PTH2R: variants seen among roughly 807,000 people sequenced by gnomAD.
PTH2R encodes parathyroid hormone 2 receptor, also known as PTH2 receptor.
A neutral mutation model predicts 60.3 loss-of-function variants in PTH2R; 59 were observed. The observed-to-expected ratio is 0.98, with a 90% confidence interval of 0.79 to 1.22. PTH2R has a LOEUF of 1.22. Ranked by LOEUF, PTH2R falls within the 50% of genes most tolerant of loss-of-function variation. The pLI is 0.00. For synonymous variants in PTH2R, 256 were observed against 243.8 expected (o/e 1.05, Z -0.47); for missense variants, 749 against 682.6 (o/e 1.10, Z -1.08).
chr2:208,424,851 A>G (rs1400612685), intron 1 of PTH2R, among the ~76,000 whole-genome samples: 2 of 152,164 alleles, frequency 1.3e-5, no homozygotes, highest in Admixed American at 6.5e-5. Context: ...TGTTGTTTCT[A>G]TAGAATTGGG....
intron 5 of PTH2R, among the ~76,000 whole-genome samples, chr2:208,443,083 T>C (rs1702218816): frequency 1.3e-5 from 2 of 152,248 alleles, no homozygotes; most frequent in South Asian, 4.1e-4. Context: ...AACATCTATT[T>C]ACATAGCATT....
Position 208,493,977 on chromosome 2 carries a change from T to C in PTH2R, c.*318T>C, listed in dbSNP as rs1318301392. 1 of 214,978 alleles carries C rather than the reference T, an allele frequency of 4.7e-6. No individual in the cohort carries two copies. Among genetic ancestry groups the C allele is most frequent in the Non-Finnish European group, 9.2e-6 (1 of 109,130 alleles). The allele number at this position is 214,978 out of a possible 1,614,324, so 13.3% of individuals were successfully genotyped here. A position where few individuals can be genotyped will look rare whatever the true frequency, so the allele number is the denominator to read the frequency against. Reference sequence around the variant, plus strand: ...ATTCAATTGCTTGGCTGTAGCTTTCTCTCATATATATCACCCTAAATATAA... The same window carrying C: ...ATTCAATTGCTTGGCTGTAGCTTTCCCTCATATATATCACCCTAAATATAA... On this transcript the variant is annotated 3_prime_UTR_variant, in exon 13 of 13. Transcript: ENST00000272847.
intron 10 of PTH2R, among the ~76,000 whole-genome samples, chr2:208,484,084 A>C (rs1402165767): frequency 6.6e-6 from 1 of 152,240 alleles, no homozygotes; most frequent in East Asian, 1.9e-4. Flanking sequence ...CCTTTGTCTA[A>C]CAAATGTTCA....
intron 9 of PTH2R, among the ~76,000 whole-genome samples, chr2:208,464,669 G>A (rs1159776006): frequency 6.6e-6 from 1 of 152,146 alleles, no homozygotes; most frequent in Non-Finnish European, 1.5e-5. Flanking sequence ...TTACTGGGCA[G>A]GCTAGGCTTG....
chr2:208,487,840 T>C (rs1204649248), intron 10 of PTH2R, among the ~76,000 whole-genome samples: 1 of 152,178 alleles, frequency 6.6e-6, no homozygotes, highest in Non-Finnish European at 1.5e-5. Flanking sequence ...GGCCTCTCAG[T>C]ATAGCAGCTC....
intron 8 of PTH2R, among the ~76,000 whole-genome samples, chr2:208,455,988 C>T (rs1702504484): frequency 6.6e-6 from 1 of 152,104 alleles, no homozygotes; most frequent in African/African-American, 2.4e-5. Context: ...CCTGTAATCC[C>T]AGTGCTTTGG....
intron 8 of PTH2R, among the ~76,000 whole-genome samples, chr2:208,456,978 CAAATG>C: frequency 6.6e-6 from 1 of 152,160 alleles, no homozygotes; most frequent in Non-Finnish European, 1.5e-5. Flanking sequence ...GACCTACTTC[CAAATG>C]CAAGCATTTT....
intron 1 of PTH2R, among the ~76,000 whole-genome samples, chr2:208,395,973 G>A (rs987730376): frequency 2.0e-5 from 3 of 152,078 alleles, no homozygotes; most frequent in Non-Finnish European, 2.9e-5. Flanking sequence ...ATATAGACCA[G>A]TGGAACAGAA....
rs1396712105 is a variant in PTH2R at position 208,459,753 on chromosome 2, G to A, written c.915-142G>A. ...ACTTTTTCCCCCCACTGGCTTGGGT[G>A]TTTTAAGATAAGATTTCTTTGTCTA... is the stretch of plus-strand genomic sequence containing the variant. On this transcript the variant is annotated intron_variant, in intron 8 of 12. Transcript: ENST00000272847. 17 of 695,738 alleles carry A rather than the reference G, an allele frequency of 2.4e-5. 1 individual carries two copies. The Middle Eastern group carries it at 8.8e-4, about 36-fold the overall frequency. The allele number at this position is 695,738 out of a possible 1,614,324, so 43.1% of individuals were successfully genotyped here.
chr2:208,378,421 C>G (rs1700851280), intron 1 of PTH2R, among the ~76,000 whole-genome samples: 1 of 152,020 alleles, frequency 6.6e-6, no homozygotes, highest in Non-Finnish European at 1.5e-5. Context: ...ATGCCTCTTT[C>G]AATATGTAAG....
chr2:208,493,821 C>A lies in PTH2R; in HGVS notation c.*162C>A. The A allele has an allele frequency of 1.5e-6, 1 of 672,480 alleles. No individual in the cohort carries two copies. Among genetic ancestry groups the A allele is most frequent in the Non-Finnish European group, 2.3e-6 (1 of 441,458 alleles). 41.7% of individuals were successfully genotyped at this position (672,480 alleles called of 1,614,324 possible). On this transcript the variant is annotated 3_prime_UTR_variant, in exon 13 of 13. Coordinates refer to ENST00000272847, the MANE Select transcript of PTH2R (RefSeq NM_005048.4). ...ATGAATTGGCTCCTGTAAATACTAA[C>A]GACATGAAAATGCAAGTGTCAATGG...
At chr2:208,366,240 T>C (rs1486267493) in intron 1 of PTH2R, among the ~76,000 whole-genome samples, 1 of 151,926 alleles carries the variant, frequency 6.6e-6, no homozygotes, top group African/African-American at 2.4e-5. Flanking sequence ...GGTCTATTTA[T>C]ATCTTCTATT....
At chr2:208,417,268 A>G (rs1278201702) in intron 1 of PTH2R, among the ~76,000 whole-genome samples, 3 of 152,192 alleles carry the variant, frequency 2.0e-5, no homozygotes, top group Non-Finnish European at 4.4e-5. Context: ...CATACATTGT[A>G]AAATTAGTCT....
chr2:208,408,369 A>G (rs1379903491), intron 1 of PTH2R, among the ~76,000 whole-genome samples: 1 of 152,174 alleles, frequency 6.6e-6, no homozygotes, highest in East Asian at 1.9e-4. Flanking sequence ...AACTCTGGTA[A>G]TCTCTACTAT....
chr2:208,454,804 A>G (rs756879804), intron 8 of PTH2R, among the ~76,000 whole-genome samples: 4 of 152,118 alleles, frequency 2.6e-5, no homozygotes, highest in Non-Finnish European at 5.9e-5. Flanking sequence ...CCTTTTTGTT[A>G]TCTCCTGGGA....
intron 4 of PTH2R, among the ~76,000 whole-genome samples, chr2:208,439,671 A>G (rs1702144681): frequency 6.6e-6 from 1 of 152,012 alleles, no homozygotes; most frequent in African/African-American, 2.4e-5. Flanking sequence ...ATTTTAGTTA[A>G]AAAAAGGGAA....
chr2:208,427,230 A>T lies in PTH2R; in HGVS notation c.76-971A>T, dbSNP rs115708961. On this transcript the variant is annotated intron_variant, in intron 1 of 12. Transcript: ENST00000272847. The stretch of plus-strand genomic sequence containing the variant: ...TAACTGAAAAAAACAGCCAGGAAAA[A>T]ACCAAAACAAAACAAAACAAAAAAC... Among the ~76,000 whole-genome samples the T allele has an allele frequency of 8.2e-3, 1,256 of 152,304 alleles. 11 individuals are homozygous for T. The highest frequency in any genetic ancestry group is 0.012 in the Non-Finnish European group (847 of 68,016).
At chr2:208,428,863 T>A (rs1033391413) in intron 2 of PTH2R, among the ~76,000 whole-genome samples, 3 of 152,282 alleles carry the variant, frequency 2.0e-5, no homozygotes, top group Non-Finnish European at 2.9e-5. Flanking sequence ...GGTGGGCGGA[T>A]CACCTGAGGT....
intron 10 of PTH2R, among the ~76,000 whole-genome samples, chr2:208,482,886 A>C (rs534124857): frequency 7.9e-5 from 12 of 152,088 alleles, no homozygotes; most frequent in Non-Finnish European, 1.6e-4. Flanking sequence ...CTGGGATAGG[A>C]ATCTTGGTGA....
Sources: gnomAD v4.1 joint callset for allele counts (sites outside exome capture counted in the v4.1 genomes callset) on GRCh38, gnomAD v4.1.1 for gene constraint, MANE v1.5 for transcripts, NCBI Gene and HGNC (gene_info 2026-07-23, HGNC 2026-07-21) for gene names.